Variants in CAND2 observed in about 807,000 individuals in gnomAD.
CAND2 encodes cullin associated and neddylation dissociated 2 (putative).
A neutral mutation model predicts 98.9 loss-of-function variants in CAND2; 62 were observed. The observed-to-expected ratio is 0.63, with a 90% confidence interval of 0.51 to 0.77. The LOEUF (loss-of-function observed/expected upper bound fraction) is 0.77. Ranked by LOEUF, CAND2 falls within the 30% of genes least tolerant of loss-of-function variation. The pLI is 0.00. For missense variants in CAND2, 1,501 were observed against 1,655.2 expected (o/e 0.91, Z 1.62); for synonymous variants, 770 against 731.9 (o/e 1.05, Z -0.84).
chr3:12,816,884 C>A lies in CAND2; in HGVS notation c.1952C>A (p.Ala651Asp). ...PLQLDLQPILAEALHILASFL... is the reference protein window; with the variant it reads ...PLQLDLQPILDEALHILASFL... ...CAGCTTGACCTACAGCCCATCCTGGCCGAGGCACTGCACATTCTGGCCTCA... is the reference window on the plus strand; with the variant it reads ...CAGCTTGACCTACAGCCCATCCTGGACGAGGCACTGCACATTCTGGCCTCA... Residue 651 changes from alanine to aspartate, a missense_variant, in exon 10 of 15, where the codon GCC becomes GAC. This residue lies in a region of CAND2 where 1,427 missense variants were observed against 1,545.3 expected (regional missense o/e 0.92). Coordinates refer to ENST00000456430, the MANE Select transcript of CAND2 (RefSeq NM_001162499.2). 6.2e-7 allele frequency: 1 copy of A among 1,613,886 alleles called. No individual in the cohort carries two copies. The highest frequency in any genetic ancestry group is 8.5e-7 in the Non-Finnish European group (1 of 1,180,044).
intron 5 of CAND2, among the ~76,000 whole-genome samples, chr3:12,812,390 ATT>A (rs35620069): frequency 0.028 from 1,874 of 66,748 alleles, 57 homozygotes; most frequent in African/African-American, 0.13. Flanking sequence ...TGCCCGGCTA[ATT>A]TTTTTTTTTT....
At chr3:12,824,635 A>G (rs951540303) in intron 11 of CAND2, among the ~76,000 whole-genome samples, 3 of 152,128 alleles carry the variant, frequency 2.0e-5, no homozygotes, top group African/African-American at 7.2e-5. Context: ...AAGTCTGGGC[A>G]CAGTGGCTCA....
At chr3:12,798,496 C>T (rs2124829375) in intron 1 of CAND2, among the ~76,000 whole-genome samples, 1 of 152,302 alleles carries the variant, frequency 6.6e-6, no homozygotes, top group South Asian at 2.1e-4. Flanking sequence ...CGCTGGGTCC[C>T]AGGCTCCCTA....
chr3:12,817,664 A>G lies in CAND2; in HGVS notation c.2732A>G (p.Gln911Arg). ...LEQIEAEPRRQYLLLHSLREA... is the reference protein window; with the variant it reads ...LEQIEAEPRRRYLLLHSLREA... ...CAGATCGAGGCTGAGCCCCGACGAC[A>G]GTACCTGCTGCTGCACTCACTCAGG... The change falls in exon 10 of 15, where the codon CAG becomes CGG. Residue 911 changes from glutamine (Q) to arginine (R), a missense_variant. By Grantham distance (43) the Gln-to-Arg change is conservative. Coordinates refer to ENST00000456430, the MANE Select transcript of CAND2 (RefSeq NM_001162499.2). The G allele has an allele frequency of 1.9e-6, 3 of 1,611,628 alleles. No homozygotes were observed. Among genetic ancestry groups the G allele is most frequent in the South Asian group, 2.2e-5 (2 of 90,646 alleles).
Position 12,796,805 on chromosome 3 carries a change from GC to G in CAND2, c.68+22del. On this transcript the variant is annotated intron_variant, in intron 1 of 14. Coordinates refer to ENST00000456430, the MANE Select transcript of CAND2 (RefSeq NM_001162499.2). ...GGACTTCAGGTGCAGCCCGCCGCCG[GC>G]CCCCTTCTCTCCTTCCCGCTCTGAA... 1 of 1,565,258 alleles carries G rather than the reference GC, an allele frequency of 6.4e-7. No individual in the cohort carries two copies. The highest frequency in any genetic ancestry group is 8.7e-7 in the Non-Finnish European group (1 of 1,153,174).
chr3:12,827,402 C>T (rs758063394), intron 12 of CAND2, 38 bp from the exon 13 acceptor site: 2 of 1,591,288 alleles, frequency 1.3e-6, no homozygotes, highest in Non-Finnish European at 1.7e-6. Flanking sequence ...TGTCCTTACA[C>T]CCTGGGGCCA....
chr3:12,812,066 G>T (rs1233717580), intron 5 of CAND2, among the ~76,000 whole-genome samples: 1 of 150,804 alleles, frequency 6.6e-6, no homozygotes, highest in East Asian at 2.0e-4. Context: ...GCACTGCCAC[G>T]TGCAGCTAAT....
At chr3:12,814,778 G>C (rs2061882689) in intron 7 of CAND2, among the ~76,000 whole-genome samples, 1 of 152,086 alleles carries the variant, frequency 6.6e-6, no homozygotes, top group Non-Finnish European at 1.5e-5. Flanking sequence ...AGACAATTAA[G>C]GGTCTGGAGG....
intron 10 of CAND2, among the ~76,000 whole-genome samples, chr3:12,818,652 A>G (rs1490969472): frequency 6.6e-6 from 1 of 152,256 alleles, no homozygotes; most frequent in Non-Finnish European, 1.5e-5. Flanking sequence ...GGCCCCTTAC[A>G]GAACCAGTGG....
Position 12,796,682 on chromosome 3 carries a change from A to T in CAND2, c.-39A>T. 6.5e-7 allele frequency: 1 copy of T among 1,548,480 alleles called. No individual in the cohort carries two copies. The highest frequency in any genetic ancestry group is 8.7e-7 in the Non-Finnish European group (1 of 1,143,276). On this transcript the variant is annotated 5_prime_UTR_variant, in exon 1 of 15. Transcript: ENST00000456430. ...AGGGAGGGGGCGCCCGCGCCGCCAT[A>T]TTCCCTCCCGCCGGCCGGCTCCGCG...
Position 12,820,150 on chromosome 3 carries a change from T to A in CAND2, c.3009T>A (p.His1003Gln). Residue 1003 changes from histidine (H) to glutamine (Q), a missense_variant, in exon 11 of 15, where the codon CAT (histidine) becomes CAA (glutamine). His to Gln is a conservative substitution (Grantham distance 24, BLOSUM62 0). This residue lies in a region of CAND2 where 1,427 missense variants were observed against 1,545.3 expected (regional missense o/e 0.92). Transcript: ENST00000456430. ...AGTTCCTTATCTCGGACCAGCCCCA[T>A]CCCATTGACCCCCTCCTGAAGAGCT... ...AVKFLISDQP[H>Q]PIDPLLKSFI... is the part of the protein sequence containing the mutation. The A allele has an allele frequency of 1.2e-6, 2 of 1,614,036 alleles. No individual in the cohort carries two copies. Among genetic ancestry groups the A allele is most frequent in the Non-Finnish European group, 1.7e-6 (2 of 1,179,974 alleles).
chr3:12,826,348 C>G (rs1365955647), intron 12 of CAND2, among the ~76,000 whole-genome samples: 1 of 152,186 alleles, frequency 6.6e-6, no homozygotes, highest in Non-Finnish European at 1.5e-5. Context: ...GCCCTTTAAG[C>G]TGGGCTTTGA....
Position 12,796,730 on chromosome 3 carries a change from G to C in CAND2, c.10G>C (p.Ala4Pro), listed in dbSNP as rs754763089. 1 of 1,585,426 alleles carries C rather than the reference G, an allele frequency of 6.3e-7. No individual in the cohort carries two copies. Among genetic ancestry groups the C allele is most frequent in the South Asian group, 1.1e-5 (1 of 87,104 alleles). MST[A>P]AFHISSLLEK... ...GCGGCGCGCAGCCACCATGAGCACC[G>C]CCGCCTTCCACATCTCCAGCCTCCT... The change falls in exon 1 of 15, where the codon GCC becomes CCC. Residue 4 changes from alanine to proline, a missense_variant. Coordinates refer to ENST00000456430, the MANE Select transcript of CAND2 (RefSeq NM_001162499.2).
chr3:12,812,262 C>G (rs2061858276), intron 5 of CAND2, among the ~76,000 whole-genome samples: 1 of 105,716 alleles, frequency 9.5e-6, no homozygotes, highest in South Asian at 3.0e-4. Flanking sequence ...CTCGCTCTGT[C>G]CCCCAGGCTG....
At chr3:12,833,669 A>T in intron 14 of CAND2, 86 bp from the exon 15 acceptor site, 1 of 1,036,672 alleles carries the variant, frequency 9.6e-7, no homozygotes, top group Non-Finnish European at 1.5e-6. Flanking sequence ...ATGATGGGGC[A>T]GAGAGGAAGC....
In CAND2 at chr3:12,810,213, G is replaced by T; in HGVS notation, c.646G>T (p.Asp216Tyr). 1 of 1,543,740 alleles carries T rather than the reference G, an allele frequency of 6.5e-7. No homozygotes were observed. Among genetic ancestry groups the T allele is most frequent in the East Asian group, 2.5e-5 (1 of 40,108 alleles). ...CSTDLFVELADHLLDRLPGPR... is the reference protein window; with the variant it reads ...CSTDLFVELAYHLLDRLPGPR... ...CACCGACCTCTTCGTCGAGCTCGCT[G>T]ACCACCTACTGGACCGGCTGCCCGG... The change falls in exon 5 of 15, where the codon GAC (aspartate) becomes TAC (tyrosine). Residue 216 changes from aspartate (D) to tyrosine (Y), a missense_variant. Coordinates refer to ENST00000456430, the MANE Select transcript of CAND2 (RefSeq NM_001162499.2).
At chr3:12,824,490 C>T (rs1447522862) in intron 11 of CAND2, among the ~76,000 whole-genome samples, 1 of 152,176 alleles carries the variant, frequency 6.6e-6, no homozygotes. Flanking sequence ...ATCACTGACC[C>T]ACTCCTGTAG....
At chr3:12,800,135 C>T (rs1385824178) in intron 1 of CAND2, among the ~76,000 whole-genome samples, 2 of 152,248 alleles carry the variant, frequency 1.3e-5, no homozygotes, top group Non-Finnish European at 2.9e-5. Context: ...ATCCAAACCT[C>T]CTCCTTCACT....
chr3:12,802,434 C>T (rs1030216737), intron 1 of CAND2, among the ~76,000 whole-genome samples: 3 of 152,250 alleles, frequency 2.0e-5, no homozygotes, highest in African/African-American at 7.2e-5. Flanking sequence ...ATTTACTGAG[C>T]ACACACCATG....
Sources: gnomAD v4.1 joint callset for allele counts (sites outside exome capture counted in the v4.1 genomes callset) on GRCh38, gnomAD v4.1.1 for gene constraint, gnomAD v4.1.1 regional missense constraint, MANE v1.5 for transcripts, NCBI Gene and HGNC (gene_info 2026-07-23, HGNC 2026-07-21) for gene names.